MPP7: variants seen among roughly 807,000 people sequenced by gnomAD.
MPP7 encodes the protein MAGUK p55 scaffold protein 7, also known as MAGUK p55 subfamily member 7.
In MPP7, 60 loss-of-function variants were observed where a neutral mutation model predicts 76.5. The ratio of observed to expected loss-of-function variants is 0.78; its 90% confidence interval spans 0.64 to 0.97. The LOEUF (loss-of-function observed/expected upper bound fraction) is 0.97. Ranked by LOEUF, MPP7 falls within the 50% of genes least tolerant of loss-of-function variation. The pLI, the probability that MPP7 is intolerant of heterozygous loss-of-function variation, is 0.00. For missense variants in MPP7, 641 were observed against 694.0 expected (o/e 0.92, Z 0.86); for synonymous variants, 237 against 244.5 (o/e 0.97, Z 0.29).
chr10:28,152,173 T>C (rs113635328), intron 3 of MPP7, among the ~76,000 whole-genome samples: 22 of 152,330 alleles, frequency 1.4e-4, no homozygotes, highest in African/African-American at 5.3e-4. Flanking sequence ...AAATAGTCAG[T>C]TTCTCTTCCA....
chr10:28,257,939 G>T (rs921079512), intron 1 of MPP7, among the ~76,000 whole-genome samples: 2 of 151,992 alleles, frequency 1.3e-5, no homozygotes, highest in Non-Finnish European at 2.9e-5. Context: ...TGAGAAAAGG[G>T]CAGACATTCT....
intron 11 of MPP7, among the ~76,000 whole-genome samples, chr10:28,117,456 A>G (rs1204776089): frequency 6.6e-6 from 1 of 152,116 alleles, no homozygotes; most frequent in East Asian, 1.9e-4. Flanking sequence ...AAGATTTTAT[A>G]CCAACTTGCT....
chr10:28,203,114 C>T (rs1002966786), intron 2 of MPP7: 1 of 152,148 alleles, frequency 6.6e-6, no homozygotes, highest in African/African-American at 2.4e-5. Flanking sequence ...ACTCATAGCA[C>T]ATGTTTCATT....
intron 11 of MPP7, among the ~76,000 whole-genome samples, chr10:28,093,780 T>C (rs752887086): frequency 3.3e-5 from 5 of 152,108 alleles, no homozygotes; most frequent in Non-Finnish European, 5.9e-5. Context: ...AATGAAGAGT[T>C]AGTGAGGAAA....
At chr10:28,325,887 G>A (rs555257328) in intron 2 of MPP7, among the ~76,000 whole-genome samples, 7 of 150,604 alleles carry the variant, frequency 4.6e-5, no homozygotes, top group African/African-American at 1.5e-4. Flanking sequence ...GAAGTGGGAG[G>A]ATAGCTTTAG....
At chr10:28,279,956 T>A (rs1237031216) in intron 1 of MPP7, 1 of 152,098 alleles carries the variant, frequency 6.6e-6, no homozygotes, top group Non-Finnish European at 1.5e-5. Context: ...ATGTGTGAGA[T>A]GAGGCTATCT....
chr10:28,332,038 T>C (rs1834475048), intron 1 of MPP7, among the ~76,000 whole-genome samples: 1 of 152,196 alleles, frequency 6.6e-6, no homozygotes, highest in Admixed American at 6.5e-5. Context: ...TCACTGGTAA[T>C]TGAACAAGCA....
intron 5 of MPP7, among the ~76,000 whole-genome samples, chr10:28,134,661 T>G (rs1835299255): frequency 6.6e-6 from 1 of 152,100 alleles, no homozygotes; most frequent in Admixed American, 6.5e-5. Context: ...AGAGAAAGAC[T>G]CTAAACGTTC....
intron 5 of MPP7, among the ~76,000 whole-genome samples, chr10:28,137,953 G>A (rs991971475): frequency 1.3e-5 from 2 of 152,144 alleles, no homozygotes; most frequent in Non-Finnish European, 2.9e-5. Flanking sequence ...AGCTTATAAG[G>A]ATGAGCAACA....
chr10:28,206,957 T>A (rs1319402533), intron 2 of MPP7, among the ~76,000 whole-genome samples: 1 of 152,192 alleles, frequency 6.6e-6, no homozygotes, highest in African/African-American at 2.4e-5. Flanking sequence ...TGTCCTTTTT[T>A]AAAAAACAAT....
chr10:28,236,342 T>C (rs1313075938), intron 2 of MPP7, among the ~76,000 whole-genome samples: 2 of 152,184 alleles, frequency 1.3e-5, no homozygotes, highest in African/African-American at 4.8e-5. Flanking sequence ...TAGAGAGATA[T>C]AGATAAACGT....
At chr10:28,079,216 T>C (rs942637940) in intron 12 of MPP7, among the ~76,000 whole-genome samples, 5 of 152,218 alleles carry the variant, frequency 3.3e-5, no homozygotes, top group Non-Finnish European at 5.9e-5. Context: ...AAACAAAAAG[T>C]ATATTTTGAT....
chr10:28,155,598 C>CAA (rs71391013), intron 3 of MPP7, among the ~76,000 whole-genome samples: 5 of 124,634 alleles, frequency 4.0e-5, no homozygotes, highest in Admixed American at 8.5e-5. Context: ...ACCCTGTCTC[C>CAA]AAAAAAAAAA....
At chr10:28,224,171 T>C (rs1291619774) in intron 2 of MPP7, among the ~76,000 whole-genome samples, 1 of 151,696 alleles carries the variant, frequency 6.6e-6, no homozygotes, top group East Asian at 1.9e-4. Context: ...GGCAATAGAG[T>C]GAAACTCCAT....
intron 2 of MPP7, among the ~76,000 whole-genome samples, chr10:28,221,958 G>A (rs1838523370): frequency 6.6e-6 from 1 of 152,078 alleles, no homozygotes; most frequent in Admixed American, 6.6e-5. Flanking sequence ...TTCTAGATAT[G>A]ATCTCCATTT....
chr10:28,297,216 G>T (rs1350134774), intron 1 of MPP7, among the ~76,000 whole-genome samples: 1 of 152,176 alleles, frequency 6.6e-6, no homozygotes, highest in Non-Finnish European at 1.5e-5. Context: ...AGTCTATTAT[G>T]TTGGCAATAG....
chr10:28,297,152 A>C (rs1322690395), intron 1 of MPP7, among the ~76,000 whole-genome samples: 4 of 152,262 alleles, frequency 2.6e-5, no homozygotes, highest in Non-Finnish European at 5.9e-5. Context: ...ATAAGGTAAC[A>C]GAAATGTTTC....
rs2133297312 is a variant in MPP7 at position 28,052,186 on chromosome 10, G to C, written c.*1879C>G. ...GACTGCCTAAATTACTCAGGTGATT[G>C]CCTGAATTATTACATATGTCCCATC... On this transcript the variant is annotated 3_prime_UTR_variant, in exon 17 of 17. Coordinates refer to ENST00000683449, the MANE Select transcript of MPP7 (RefSeq NM_001318170.2). 6.6e-6 allele frequency: 1 copy of C among 152,264 alleles called. No individual in the cohort carries two copies. The highest frequency in any genetic ancestry group is 1.9e-4 in the East Asian group (1 of 5,178). The allele number at this position is 152,264 out of a possible 1,614,324, so 9.4% of individuals were successfully genotyped here. A position where few individuals can be genotyped will look rare whatever the true frequency, so the allele number is the denominator to read the frequency against.
intron 1 of MPP7, among the ~76,000 whole-genome samples, chr10:28,260,457 T>A (rs1180864771): frequency 6.6e-6 from 1 of 152,148 alleles, no homozygotes; most frequent in African/African-American, 2.4e-5. Context: ...CCAGAGACTA[T>A]ATTTAACTAT....
Sources: gnomAD v4.1 joint callset for allele counts (sites outside exome capture counted in the v4.1 genomes callset) on GRCh38, gnomAD v4.1.1 for gene constraint, MANE v1.5 for transcripts, NCBI Gene and HGNC (gene_info 2026-07-23, HGNC 2026-07-21) for gene names.